Variants in ADGRG4 observed in about 807,000 individuals in gnomAD.
The protein encoded by ADGRG4 is G protein-coupled receptor 112.
ADGRG4 carries 122 observed loss-of-function variants against 126.2 expected under a neutral mutation model. The ratio of observed to expected loss-of-function variants is 0.97; its 90% confidence interval spans 0.83 to 1.12. The LOEUF is 1.12. Ranked by LOEUF, ADGRG4 falls within the 50% of genes most tolerant of loss-of-function variation. ADGRG4 has a pLI of 0.00. For synonymous variants in ADGRG4, 943 were observed against 838.7 expected, an observed-to-expected ratio of 1.12 and a Z score of -2.15; for missense variants, 2,481 against 2,251.8, an observed-to-expected ratio of 1.10 and a Z score of -2.06.
At chrX:136,352,573 T>C (rs1237631740) in intron 7 of ADGRG4, among the ~76,000 whole-genome samples, 1 of 111,590 alleles carries the variant, frequency 9.0e-6, no homozygotes. Context: ...TTAAGGCACT[T>C]AAGTATTTTT....
At chrX:136,323,872 A>G (rs1475804932) in intron 5 of ADGRG4, among the ~76,000 whole-genome samples, 3 of 111,755 alleles carry the variant, frequency 2.7e-5, no homozygotes, top group Non-Finnish European at 5.6e-5. Context: ...ATCACACATT[A>G]CATTTAGTTG....
chrX:136,377,712 C>T (rs1366664983), intron 15 of ADGRG4, among the ~76,000 whole-genome samples: 2 of 111,312 alleles, frequency 1.8e-5, no homozygotes, highest in African/African-American at 6.5e-5. Context: ...TTTTGTTTTA[C>T]GTGGATATCC....
chrX:136,372,978 C>G lies in ADGRG4; in HGVS notation c.7690C>G (p.Leu2564Val). 1.7e-6 allele frequency: 2 copies of G among 1,210,698 alleles called. No homozygotes were observed. Among genetic ancestry groups the G allele is most frequent in the Non-Finnish European group, 2.2e-6 (2 of 894,729 alleles). ...GATAGCAAATCTGACGGTGGCCGGGCTGGCTTTGGCTGTGCTGCGGGGGGA... is the reference window on the plus strand; with the variant it reads ...GATAGCAAATCTGACGGTGGCCGGGGTGGCTTTGGCTGTGCTGCGGGGGGA... ...GQIANLTVAGLALAVLRGDHT... is the reference protein window; with the variant it reads ...GQIANLTVAGVALAVLRGDHT... The change falls in exon 15 of 26, where the codon CTG becomes GTG. Residue 2564 changes from leucine (L) to valine (V), a missense_variant. Transcript: ENST00000394143.
intron 5 of ADGRG4, among the ~76,000 whole-genome samples, chrX:136,340,596 G>A (rs1454701215): frequency 9.0e-6 from 1 of 111,060 alleles, no homozygotes; most frequent in Admixed American, 9.6e-5. Context: ...GTTTCTCCTT[G>A]GTACCTTCAG....
At chrX:136,391,225 A>G (rs1022229194) in intron 16 of ADGRG4, among the ~76,000 whole-genome samples, 2 of 111,173 alleles carry the variant, frequency 1.8e-5, no homozygotes, top group African/African-American at 6.6e-5. Flanking sequence ...AAGGAATGTC[A>G]TCTGCGTTCA....
At position 136,345,583 on chromosome X, in the gene ADGRG4, G is replaced by C. The variant is rs771148242; in HGVS notation, c.1877G>C (p.Arg626Thr). 4 of 1,210,672 alleles carry C rather than the reference G, an allele frequency of 3.3e-6. No homozygotes were observed. Among genetic ancestry groups the C allele is most frequent in the Non-Finnish European group, 3.4e-6 (3 of 894,876 alleles). The part of the protein sequence containing the change: ...DGHLLTLMST[R>T]SASTSKAPES... ...CACTTGCTTACTTTGATGTCCACTAGATCAGCTTCCACATCCAAGGCACCT... is the reference window on the plus strand; with the variant it reads ...CACTTGCTTACTTTGATGTCCACTACATCAGCTTCCACATCCAAGGCACCT... Residue 626 changes from arginine (R) to threonine (T), a missense_variant, in exon 6 of 26, where the codon AGA (arginine) becomes ACA (threonine). Transcript: ENST00000394143.
rs768140293 is a variant in ADGRG4, at chrX:136,387,536, T to C, written c.7777-204T>C. Reference sequence around the variant, plus strand: ...AAGGAAAAGATGATGTGTGTTTGTGTCTATGTCTGTGTGTACCAGGATCAT... The same window carrying C: ...AAGGAAAAGATGATGTGTGTTTGTGCCTATGTCTGTGTGTACCAGGATCAT... On this transcript the variant is annotated intron_variant, in intron 15 of 25. Coordinates refer to ENST00000394143, the MANE Select transcript of ADGRG4 (RefSeq NM_153834.4). Among the ~76,000 whole-genome samples the C allele has an allele frequency of 1.3e-3, 141 of 111,452 alleles. 1 individual carries two copies. Among genetic ancestry groups the C allele is most frequent in the Non-Finnish European group, 2.5e-4 (13 of 53,046 alleles).
intron 5 of ADGRG4, among the ~76,000 whole-genome samples, chrX:136,341,777 TAATGACCACA>T (rs1439344856): frequency 8.9e-6 from 1 of 111,946 alleles, no homozygotes; most frequent in Non-Finnish European, 1.9e-5. Flanking sequence ...TTCTACTTGC[TAATGACCACA>T]AAATCCTGAA....
At chrX:136,316,292 A>C (rs1186282036) in intron 4 of ADGRG4, among the ~76,000 whole-genome samples, 1 of 111,038 alleles carries the variant, frequency 9.0e-6, no homozygotes, top group Non-Finnish European at 1.9e-5. Flanking sequence ...GAACATTTTA[A>C]GGAGAAACTT....
At chrX:136,360,787 G>T (rs149753719) in intron 11 of ADGRG4, among the ~76,000 whole-genome samples, 2 of 110,633 alleles carry the variant, frequency 1.8e-5, no homozygotes, top group Non-Finnish European at 3.8e-5. Context: ...TACTGATCAT[G>T]TCAGATACAC....
chrX:136,385,732 G>A (rs1410524887), intron 15 of ADGRG4, among the ~76,000 whole-genome samples: 2 of 111,979 alleles, frequency 1.8e-5, no homozygotes, highest in African/African-American at 6.5e-5. Context: ...TTCTTTTGTA[G>A]ATTATAGATT....
chrX:136,404,420 C>T (rs929557415), intron 22 of ADGRG4, among the ~76,000 whole-genome samples: 2 of 111,378 alleles, frequency 1.8e-5, no homozygotes, highest in African/African-American at 3.3e-5. Flanking sequence ...AGTAAGAGGC[C>T]GACTGCTCTA....
chrX:136,381,240 G>T (rs956244078), intron 15 of ADGRG4, among the ~76,000 whole-genome samples: 3 of 110,344 alleles, frequency 2.7e-5, no homozygotes, highest in Non-Finnish European at 5.7e-5. Context: ...GTATTTGGGG[G>T]CTATCTAAGA....
At position 136,387,937 on chromosome X, in the gene ADGRG4, C is replaced by T. The variant is rs1037460915; in HGVS notation, c.7911+63C>T. 14 of 1,023,325 alleles carry T rather than the reference C, an allele frequency of 1.4e-5. No individual in the cohort carries two copies. In the African/African-American group the frequency reaches 2.1e-4, roughly 15 times the overall value. The allele number at this position is 1,023,325 out of a possible 1,213,427, so 84.3% of individuals were successfully genotyped here. On this transcript the variant is annotated intron_variant, in intron 16 of 25. Coordinates refer to ENST00000394143, the MANE Select transcript of ADGRG4 (RefSeq NM_153834.4). ...TATGGTGACTCATTGTAATTATGAA[C>T]TCTTGCTATTTTCATGATGTTCTGC...
chrX:136,343,933 T>G (rs2074994827), intron 5 of ADGRG4, among the ~76,000 whole-genome samples: 1 of 112,097 alleles, frequency 8.9e-6, no homozygotes, highest in South Asian at 3.7e-4. Context: ...CATTTAAAAC[T>G]AATCCATTTG....
intron 15 of ADGRG4, among the ~76,000 whole-genome samples, chrX:136,378,322 CTATA>C (rs923855734): frequency 1.8e-5 from 2 of 110,865 alleles, no homozygotes; most frequent in Admixed American, 9.6e-5. Flanking sequence ...ATATTATATG[CTATA>C]TATATACACA....
At chrX:136,363,715 C>A in intron 13 of ADGRG4, 120 bp downstream of exon 13, 1 of 497,919 alleles carries the variant, frequency 2.0e-6, no homozygotes, top group Admixed American at 2.7e-5. Context: ...TACGACAATC[C>A]AATTTCAGAA....
chrX:136,368,396 T>C (rs1332509597), intron 13 of ADGRG4, among the ~76,000 whole-genome samples: 2 of 112,002 alleles, frequency 1.8e-5, no homozygotes, highest in African/African-American at 6.5e-5. Context: ...TGTGACTGCT[T>C]AGCCCAGTAG....
chrX:136,397,491 C>CTTTTTTTTTTTTTTTTTTTTTTTTTT (rs1184936316), intron 19 of ADGRG4, among the ~76,000 whole-genome samples: 1 of 50,566 alleles, frequency 2.0e-5, no homozygotes, highest in Non-Finnish European at 3.6e-5. Context: ...AGGAAAAGGA[C>CTTTTTTTTTTTTTTTTTTTTTTTTTT]TTTTTTTTTT....
Sources: allele counts gnomAD v4.1 joint callset (sites outside exome capture counted in the v4.1 genomes callset), GRCh38; gene constraint gnomAD v4.1.1; transcripts MANE v1.5; gene names NCBI Gene and HGNC (gene_info 2026-07-23, HGNC 2026-07-21).